The following RFC5 variants were observed in gnomAD, a reference collection of about 807,000 sequenced individuals.
The protein encoded by RFC5 is replication factor C subunit 5.
A neutral mutation model predicts 44.3 loss-of-function variants in RFC5; 26 were observed. The ratio of observed to expected loss-of-function variants is 0.59; its 90% CI spans 0.43 to 0.81. The LOEUF (loss-of-function observed/expected upper bound fraction) is 0.81. RFC5 is among the 40% of genes least tolerant of loss of function. The probability of loss-of-function intolerance (pLI) is 0.00; values close to 1 mark genes in which losing one functional copy is unlikely to be tolerated. For missense variants in RFC5, 328 were observed against 418.6 expected (o/e 0.78, Z 1.89); for synonymous variants, 155 against 155.2 (o/e 1.00, Z 0.01).
intron 8 of RFC5, among the ~76,000 whole-genome samples, chr12:118,027,747 A>G (rs12811154): frequency 5.9e-5 from 9 of 152,202 alleles, no homozygotes; most frequent in Admixed American, 5.2e-4. Flanking sequence ...TTACAACTCT[A>G]TCTTTCAGAA....
rs1805885154 is a variant in RFC5, at chr12:118,019,846, T to C, written c.267+78T>C. ...AATTTCAGTTCTGCTGGTTTTATTT[T>C]ACTTTAAAAGTAAGTTGCCCCACGG... On this transcript the variant is annotated intron_variant, in intron 3 of 10. Coordinates refer to ENST00000454402, the MANE Select transcript of RFC5 (RefSeq NM_007370.7). The surrounding 1 kb of genome is among the most constrained non-coding windows in gnomAD (Gnocchi z 4.2). The C allele has an allele frequency of 7.9e-7, 1 of 1,270,094 alleles. No individual in the cohort carries two copies. Among genetic ancestry groups the C allele is most frequent in the African/African-American group, 1.5e-5 (1 of 66,516 alleles). 78.7% of individuals were successfully genotyped at this position (1,270,094 alleles called of 1,614,324 possible). A position where few individuals can be genotyped will look rare whatever the true frequency, so the allele number is the denominator to read the frequency against.
the RFC5 span, among the ~76,000 whole-genome samples, chr12:118,041,386 A>C: frequency 6.6e-6 from 1 of 152,188 alleles, no homozygotes; most frequent in South Asian, 2.1e-4. Context: ...AACTACTAGC[A>C]CTTCGCTCAC....
chr12:118,028,159 T>C, intron 9 of RFC5, 129 bp downstream of exon 9: 1 of 666,440 alleles, frequency 1.5e-6, no homozygotes, highest in Non-Finnish European at 2.7e-6. Context: ...AGACCCTTCT[T>C]GTTAGCAGTT....
chr12:118,036,423 C>T (rs778982084), downstream of RFC5: 2 of 1,614,126 alleles, frequency 1.2e-6, no homozygotes, highest in Non-Finnish European at 1.7e-6. Flanking sequence ...AGGGCAGAGT[C>T]GGGGGAGAAG....
rs766887676 is a variant in RFC5, at chr12:118,019,110, T to C, written c.104T>C (p.Ile35Thr). 1 of 1,613,202 alleles carries C rather than the reference T, an allele frequency of 6.2e-7. No individual in the cohort carries two copies. The highest frequency in any genetic ancestry group is 1.3e-5 in the African/African-American group (1 of 75,060). Residue 35 changes from isoleucine (I) to threonine (T), a missense_variant, in exon 2 of 11, where the codon ATT becomes ACT. By Grantham distance (89) the Ile-to-Thr change is moderately conservative. Transcript: ENST00000454402. This position sits in a 1 kb window ranked among gnomAD's most constrained non-coding sequence, Gnocchi z 4.2. ...CGGCCACAGACCCTGAATGATCTCA[T>C]TTCTCATCAGGACATTCTGAGTACC... ...KYRPQTLNDL[I>T]SHQDILSTIQ...
chr12:118,019,271 A>G lies in RFC5; in HGVS notation c.130+135A>G. ...GTAGAATGTGGCTTTAAGATCATTCATTCATTTTCTTCAGGTTGCTACAGT... is the reference window on the plus strand; with the variant it reads ...GTAGAATGTGGCTTTAAGATCATTCGTTCATTTTCTTCAGGTTGCTACAGT... On this transcript the variant is annotated intron_variant, in intron 2 of 10. Coordinates refer to ENST00000454402, the MANE Select transcript of RFC5 (RefSeq NM_007370.7). This position sits in a 1 kb window ranked among gnomAD's most constrained non-coding sequence, Gnocchi z 4.2. 2 of 732,220 alleles carry G rather than the reference A, an allele frequency of 2.7e-6. No homozygotes were observed. The highest frequency in any genetic ancestry group is 2.4e-6 in the Non-Finnish European group (1 of 419,676). 45.4% of individuals were successfully genotyped at this position (732,220 alleles called of 1,614,324 possible).
downstream of RFC5, chr12:118,033,946 T>G: frequency 2.0e-6 from 1 of 499,798 alleles, no homozygotes; most frequent in South Asian, 2.5e-5. Flanking sequence ...TGTTCATAAC[T>G]GGACTGAAAA....
At chr12:118,017,783 G>A in intron 1 of RFC5, 1 of 658,528 alleles carries the variant, frequency 1.5e-6, no homozygotes. Flanking sequence ...CCATTCTCCT[G>A]CCTCAGCCTC....
chr12:118,029,718 G>A, intron 9 of RFC5, 53 bp from the exon 10 acceptor site: 1 of 1,225,212 alleles, frequency 8.2e-7, no homozygotes, highest in East Asian at 2.3e-5. Flanking sequence ...TCCTCTGTGG[G>A]TTTTTTGACA....
chr12:118,031,145 G>C lies in RFC5; in HGVS notation c.927-37G>C, dbSNP rs765940264. The C allele has an allele frequency of 1.7e-5, 25 of 1,437,870 alleles. No individual in the cohort carries two copies. In the African/African-American group the frequency reaches 3.1e-4, roughly 18 times the overall value. 89.1% of individuals were successfully genotyped at this position (1,437,870 alleles called of 1,614,324 possible). ...CCTTAAGAAAAGGCAGCTGTGTTTG[G>C]TGTCTTTTTTCTTACCCTGTGTTTG... is the stretch of plus-strand genomic sequence containing the variant. On this transcript the variant is annotated intron_variant, in intron 10 of 10. Transcript: ENST00000454402.
chr12:118,036,728 C>T (rs372880021), downstream of RFC5, among the ~76,000 whole-genome samples: 143 of 152,306 alleles, frequency 9.4e-4, 2 homozygotes, highest in South Asian at 0.028. Context: ...GCTCAAGGAG[C>T]TCACTATAAG....
downstream of RFC5, chr12:118,036,085 C>G (rs1339499614): frequency 6.3e-6 from 2 of 317,876 alleles, no homozygotes; most frequent in African/African-American, 2.1e-5. Context: ...GCTTGTAGTC[C>G]TAGCTACTCG....
At chr12:118,038,721 C>G in the RFC5 span, among the ~76,000 whole-genome samples, 1 of 152,102 alleles carries the variant, frequency 6.6e-6, no homozygotes, top group African/African-American at 2.4e-5. Flanking sequence ...TGCTCTGTCT[C>G]CCAGACTAGA....
the RFC5 span, chr12:118,038,395 G>C: frequency 6.2e-7 from 1 of 1,613,170 alleles, no homozygotes; most frequent in Non-Finnish European, 8.5e-7. Context: ...TTACCTGGCA[G>C]GAAAAAGAAG....
intron 3 of RFC5, among the ~76,000 whole-genome samples, chr12:118,020,066 T>G (rs1264993228): frequency 6.6e-6 from 1 of 152,206 alleles, no homozygotes; most frequent in Non-Finnish European, 1.5e-5. Flanking sequence ...CCCCTCTAGA[T>G]CAATTCTCCA....
chr12:118,037,541 G>A (rs951776927), downstream of RFC5, among the ~76,000 whole-genome samples: 158 of 151,972 alleles, frequency 1.0e-3, 1 homozygote, highest in African/African-American at 3.6e-3. Context: ...GGTGTAGCAC[G>A]CCTATAATCC....
downstream of RFC5, among the ~76,000 whole-genome samples, chr12:118,036,736 AAG>A (rs747832884): frequency 8.5e-5 from 13 of 152,290 alleles, no homozygotes; most frequent in African/African-American, 2.9e-4. Context: ...AGCTCACTAT[AAG>A]AGAGAATAAA....
chr12:118,020,257 G>T (rs2030392817), intron 3 of RFC5, among the ~76,000 whole-genome samples: 1 of 152,148 alleles, frequency 6.6e-6, no homozygotes, highest in Admixed American at 6.6e-5. Context: ...CCACCTGTAG[G>T]GTACATCTCA....
chr12:118,026,717 C>G (rs1429568722), intron 7 of RFC5, among the ~76,000 whole-genome samples, 172 bp from the exon 8 acceptor site: 3 of 152,248 alleles, frequency 2.0e-5, no homozygotes, highest in Non-Finnish European at 4.4e-5. Flanking sequence ...GTGGCATCCT[C>G]TGATGAGGTG....
Sources: gnomAD v4.1 joint callset for allele counts (sites outside exome capture counted in the v4.1 genomes callset) on GRCh38, gnomAD v4.1.1 for gene constraint, Gnocchi (gnomAD v3.1) non-coding constraint, MANE v1.5 for transcripts, NCBI Gene and HGNC (gene_info 2026-07-23, HGNC 2026-07-21) for gene names.